The following ADGRL3 variants were observed in gnomAD, a reference collection of about 807,000 sequenced individuals.
ADGRL3 encodes the protein calcium-independent alpha-latrotoxin receptor 3.
Under a neutral mutation model 153.5 loss-of-function variants are expected in ADGRL3, and 62 were observed. The observed-to-expected ratio is 0.40, with a 90% CI of 0.33 to 0.50. The LOEUF (loss-of-function observed/expected upper bound fraction) is 0.50, where lower values mean the gene tolerates loss of function less well. Among genes scored for constraint, ADGRL3 ranks in the 20% least tolerant of loss-of-function variants. The probability of loss-of-function intolerance (pLI) is 0.47; values close to 1 mark genes in which losing one functional copy is unlikely to be tolerated. For synonymous variants in ADGRL3, 710 were observed against 672.5 expected (o/e 1.06, Z -0.86); for missense variants, 1,641 against 1,859.4 (o/e 0.88, Z 2.16).
chr4:61,210,438 G>A (rs780725574), intron 1 of ADGRL3, among the ~76,000 whole-genome samples: 16 of 152,188 alleles, frequency 1.1e-4, no homozygotes, highest in Middle Eastern at 6.8e-3. Flanking sequence ...CCCAGTTTTT[G>A]ATGTTCTGCT....
At chr4:61,376,664 T>C (rs750228312) in intron 1 of ADGRL3, among the ~76,000 whole-genome samples, 31 of 152,324 alleles carry the variant, frequency 2.0e-4, no homozygotes, top group Non-Finnish European at 4.0e-4. Context: ...TCACATCTGC[T>C]GTGTATTTTA....
At chr4:61,688,117 A>G (rs2095478349) in intron 6 of ADGRL3, among the ~76,000 whole-genome samples, 1 of 152,082 alleles carries the variant, frequency 6.6e-6, no homozygotes, top group Non-Finnish European at 1.5e-5. Flanking sequence ...TATATATTAT[A>G]AATATAAGCT....
intron 1 of ADGRL3, among the ~76,000 whole-genome samples, chr4:61,308,221 T>C (rs2094871648): frequency 6.6e-6 from 1 of 152,030 alleles, no homozygotes; most frequent in Non-Finnish European, 1.5e-5. Context: ...CTTACTGAAA[T>C]CTAGTTTCTT....
At chr4:61,633,000 A>C (rs1432184330) in intron 5 of ADGRL3, among the ~76,000 whole-genome samples, 1 of 152,202 alleles carries the variant, frequency 6.6e-6, no homozygotes, top group Non-Finnish European at 1.5e-5. Context: ...ACAGATTTTC[A>C]AATATACCTT....
chr4:62,058,408 A>C (rs1245647423), intron 25 of ADGRL3, among the ~76,000 whole-genome samples: 1 of 152,192 alleles, frequency 6.6e-6, no homozygotes, highest in Non-Finnish European at 1.5e-5. Context: ...TAATGGATAA[A>C]ATAACTTTGA....
chr4:61,869,590 G>A (rs1250597445), intron 9 of ADGRL3, among the ~76,000 whole-genome samples: 2 of 151,756 alleles, frequency 1.3e-5, no homozygotes, highest in African/African-American at 2.4e-5. Flanking sequence ...GGGCGACAGA[G>A]CGAGACTCCG....
intron 2 of ADGRL3, among the ~76,000 whole-genome samples, chr4:61,398,711 C>G (rs2096896095): frequency 6.6e-6 from 1 of 151,760 alleles, no homozygotes; most frequent in Non-Finnish European, 1.5e-5. Context: ...TCTCTTCTCT[C>G]TCTCTCTCTG....
chr4:61,897,858 A>G (rs2098640797), intron 11 of ADGRL3, among the ~76,000 whole-genome samples: 1 of 152,112 alleles, frequency 6.6e-6, no homozygotes, highest in South Asian at 2.1e-4. Context: ...GGGGCAGTAA[A>G]GGCAAACTGC....
At chr4:61,229,148 GA>G (rs1234073267) in intron 1 of ADGRL3, among the ~76,000 whole-genome samples, 2 of 152,190 alleles carry the variant, frequency 1.3e-5, no homozygotes, top group African/African-American at 4.8e-5. Flanking sequence ...CTGAGGCTTT[GA>G]TTATTTTAAA....
At chr4:61,818,491 C>G (rs79774481) in intron 9 of ADGRL3, among the ~76,000 whole-genome samples, 1 of 152,120 alleles carries the variant, frequency 6.6e-6, no homozygotes, top group Non-Finnish European at 1.5e-5. Context: ...GAGGACAACA[C>G]TGTGGAGCTG....
rs185252333 is a variant in ADGRL3, at chr4:61,831,633, A to G, written c.1480+17744A>G. Among the ~76,000 whole-genome samples, 225 of 152,210 alleles carry G rather than the reference A, an allele frequency of 1.5e-3. 1 individual carries two copies. Among genetic ancestry groups the G allele is most frequent in the African/African-American group, 5.1e-3 (211 of 41,538 alleles). On this transcript the variant is annotated intron_variant, in intron 9 of 26. Transcript: ENST00000683033. The stretch of plus-strand genomic sequence containing the variant: ...GTGGACACTAGTCGTCAATAGATAC[A>G]TTAGTCTCTAGACTATCCCTTTGAC...
chr4:61,398,465 C>T (rs1370682913), intron 2 of ADGRL3, among the ~76,000 whole-genome samples: 2 of 151,326 alleles, frequency 1.3e-5, no homozygotes, highest in African/African-American at 4.8e-5. Context: ...ATATTTAAGA[C>T]CTGGCAAGAA....
intron 2 of ADGRL3, among the ~76,000 whole-genome samples, chr4:61,485,218 C>G (rs780875963): frequency 6.6e-6 from 1 of 152,014 alleles, no homozygotes; most frequent in Non-Finnish European, 1.5e-5. Context: ...CTCTCTTGCC[C>G]GGTTGCTACT....
intron 17 of ADGRL3, among the ~76,000 whole-genome samples, chr4:61,972,475 C>G (rs1359804323): frequency 2.6e-5 from 4 of 151,944 alleles, no homozygotes; most frequent in Admixed American, 2.6e-4. Flanking sequence ...TGTAGATATG[C>G]GGTGTTATTT....
intron 2 of ADGRL3, among the ~76,000 whole-genome samples, chr4:61,416,704 G>A (rs1247413914): frequency 6.6e-6 from 1 of 152,100 alleles, no homozygotes; most frequent in African/African-American, 2.4e-5. Flanking sequence ...TTAAAACAGT[G>A]GTGCCCAACC....
chr4:61,843,517 C>T (rs2098065644), intron 9 of ADGRL3, among the ~76,000 whole-genome samples: 1 of 152,066 alleles, frequency 6.6e-6, no homozygotes, highest in Admixed American at 6.5e-5. Flanking sequence ...GCAAGAGGAG[C>T]CATTGTGGAT....
At position 61,779,993 on chromosome 4, in the gene ADGRL3, T is replaced by A. The variant is rs2097196053; in HGVS notation, c.1400-33816T>A. Among the ~76,000 whole-genome samples, 2 of 152,190 alleles carry A rather than the reference T, an allele frequency of 1.3e-5. 1 individual carries two copies. Among genetic ancestry groups the A allele is most frequent in the Non-Finnish European group, 2.9e-5 (2 of 68,036 alleles). On this transcript the variant is annotated intron_variant, in intron 8 of 26. Coordinates refer to ENST00000683033, the MANE Select transcript of ADGRL3 (RefSeq NM_001387552.1). ...TAAGGCCCTGGGTCAGTATATTTTTTATGGTGATTCTGGGTTTGGAAAAGA... is the reference window on the plus strand; with the variant it reads ...TAAGGCCCTGGGTCAGTATATTTTTAATGGTGATTCTGGGTTTGGAAAAGA...
chr4:61,244,583 A>T (rs758271788), intron 1 of ADGRL3, among the ~76,000 whole-genome samples: 1 of 151,974 alleles, frequency 6.6e-6, no homozygotes, highest in Non-Finnish European at 1.5e-5. Context: ...ATAAACTCAT[A>T]AAAAAGAGCC....
At chr4:61,625,646 AG>A (rs1357279343) in intron 5 of ADGRL3, among the ~76,000 whole-genome samples, 1 of 152,062 alleles carries the variant, frequency 6.6e-6, no homozygotes, top group Non-Finnish European at 1.5e-5. Flanking sequence ...ATGAGAGGTC[AG>A]ACAAATATAT....
Sources: gnomAD v4.1 joint callset for allele counts (sites outside exome capture counted in the v4.1 genomes callset) on GRCh38, gnomAD v4.1.1 for gene constraint, MANE v1.5 for transcripts, NCBI Gene and HGNC (gene_info 2026-07-23, HGNC 2026-07-21) for gene names.